The following ACOX1 variants were observed in gnomAD, a reference collection of about 807,000 sequenced individuals.
The protein encoded by ACOX1 is peroxisomal acyl-coenzyme A oxidase 1.
In ACOX1, 41 loss-of-function variants were observed where a neutral mutation model predicts 75.5. That is an observed-to-expected ratio of 0.54 (90% CI 0.42 to 0.70). The LOEUF is 0.70. ACOX1 is among the 30% of genes least tolerant of loss of function. The pLI, the probability that ACOX1 is intolerant of heterozygous loss-of-function variation, is 0.00. For synonymous variants in ACOX1, 303 were observed against 298.8 expected, an observed-to-expected ratio of 1.01 and a Z score of -0.15; for missense variants, 630 against 837.5, an observed-to-expected ratio of 0.75 and a Z score of 3.06.
chr17:75,957,511 C>T lies in ACOX1; in HGVS notation c.486G>A (p.Glu162=). The T allele has an allele frequency of 6.2e-7, 1 of 1,614,188 alleles. No individual in the cohort carries two copies. The highest frequency in any genetic ancestry group is 8.5e-7 in the Non-Finnish European group (1 of 1,180,016). Residue 162 remains glutamate, a synonymous_variant, in exon 4 of 14, where the codon GAG becomes GAA. Coordinates refer to ENST00000293217, the MANE Select transcript of ACOX1 (RefSeq NM_004035.7). ...TTATYDPETQ[E]FILNSPTVTS... is the part of the protein sequence containing the mutation. ...TCACAGTAGGACTGTTGAGAATGAA[C>T]TCCTGGGTTTCAGGGTCATACGTGG...
rs191305762 is a variant in ACOX1, at chr17:75,958,054, G to A, written c.431-488C>T. On this transcript the variant is annotated intron_variant, in intron 3 of 13. Coordinates refer to ENST00000293217, the MANE Select transcript of ACOX1 (RefSeq NM_004035.7). The stretch of plus-strand genomic sequence containing the variant: ...GAGGAAGACATTTCAGCCAAAATTC[G>A]TATAAATTAAAAATGTATGGCTGTG... Among the ~76,000 whole-genome samples the A allele has an allele frequency of 1.5e-3, 227 of 152,190 alleles. 1 individual carries two copies. Among genetic ancestry groups the A allele is most frequent in the African/African-American group, 5.2e-3 (218 of 41,544 alleles).
In ACOX1 at chr17:75,950,007, T is replaced by A; in HGVS notation, c.1299-110A>T. 1 of 1,182,648 alleles carries A rather than the reference T, an allele frequency of 8.5e-7. No homozygotes were observed. The highest frequency in any genetic ancestry group is 1.2e-6 in the Non-Finnish European group (1 of 819,318). 73.3% of individuals were successfully genotyped at this position (1,182,648 alleles called of 1,614,324 possible). ...CTGGATGGAGTGCAATGGCCAGATCTCAGCTCACTGCAACCTCCTCCTCTT... is the reference window on the plus strand; with the variant it reads ...CTGGATGGAGTGCAATGGCCAGATCACAGCTCACTGCAACCTCCTCCTCTT... On this transcript the variant is annotated intron_variant, in intron 9 of 13. Coordinates refer to ENST00000293217, the MANE Select transcript of ACOX1 (RefSeq NM_004035.7). This position sits in a 1 kb window ranked among gnomAD's most constrained non-coding sequence, Gnocchi z 4.3.
chr17:75,972,939 G>A lies in ACOX1; in HGVS notation c.269+5595C>T, dbSNP rs9899354. Among the ~76,000 whole-genome samples, 117 of 152,230 alleles carry A rather than the reference G, an allele frequency of 7.7e-4. 1 individual carries two copies. The highest frequency in any genetic ancestry group is 3.4e-3 in the Middle Eastern group (1 of 294). ...TCCTGCCATTTTGATAATTAGACAT[G>A]AGGCTGGGCAGTTCAAATTCCAAAC... is the stretch of plus-strand genomic sequence containing the variant. On this transcript the variant is annotated intron_variant, in intron 2 of 13. Coordinates refer to ENST00000293217, the MANE Select transcript of ACOX1 (RefSeq NM_004035.7).
At chr17:75,972,515 G>C (rs1479425637) in intron 2 of ACOX1, among the ~76,000 whole-genome samples, 2 of 151,714 alleles carry the variant, frequency 1.3e-5, no homozygotes, top group Admixed American at 1.3e-4. Context: ...GCGTGGTGGT[G>C]AGCACCTGTA....
At chr17:75,970,817 T>C (rs375425602) in intron 2 of ACOX1, among the ~76,000 whole-genome samples, 130 of 152,346 alleles carry the variant, frequency 8.5e-4, no homozygotes, top group Admixed American at 3.8e-3. Context: ...GTATTCCATA[T>C]AAGATAAAAC....
chr17:75,968,278 T>C (rs1362752036), intron 2 of ACOX1, among the ~76,000 whole-genome samples: 1 of 146,090 alleles, frequency 6.8e-6, no homozygotes, highest in Non-Finnish European at 1.5e-5. Flanking sequence ...CTACTAAAAA[T>C]ACAAAAAATT....
In ACOX1 at chr17:75,945,037, C is replaced by G. The variant is rs574439219; in HGVS notation, c.*1711G>C. ...CTTGGATTACAGGCGTGAGCCACCA[C>G]GCCTGGCCCCAGATTTAGATTTTAA... On this transcript the variant is annotated 3_prime_UTR_variant, in exon 14 of 14. Coordinates refer to ENST00000293217, the MANE Select transcript of ACOX1 (RefSeq NM_004035.7). The G allele has an allele frequency of 1.3e-5, 2 of 152,152 alleles. No individual in the cohort carries two copies. The highest frequency in any genetic ancestry group is 4.8e-5 in the African/African-American group (2 of 41,430). 9.4% of individuals were successfully genotyped at this position (152,152 alleles called of 1,614,324 possible). A position where few individuals can be genotyped will look rare whatever the true frequency, so the allele number is the denominator to read the frequency against.
chr17:75,964,241 G>A (rs1380689714), intron 2 of ACOX1, among the ~76,000 whole-genome samples: 1 of 151,198 alleles, frequency 6.6e-6, no homozygotes, highest in Non-Finnish European at 1.5e-5. Flanking sequence ...CATGGGATGA[G>A]AGTGCCTTTC....
chr17:75,964,056 C>T (rs1456648054), intron 2 of ACOX1, among the ~76,000 whole-genome samples: 1 of 150,994 alleles, frequency 6.6e-6, no homozygotes, highest in Admixed American at 6.6e-5. Flanking sequence ...TGGTGGCAGG[C>T]GCTGGTTATC....
rs997501157 is a variant in ACOX1 at position 75,945,908 on chromosome 17, T to A, written c.*840A>T. 2.0e-5 allele frequency: 3 copies of A among 152,212 alleles called. No homozygotes were observed. The highest frequency in any genetic ancestry group is 4.4e-5 in the Non-Finnish European group (3 of 68,030). The allele number at this position is 152,212 out of a possible 1,614,324, so 9.4% of individuals were successfully genotyped here. ...TGCTGACCTAAGTGACATTTTTTTT[T>A]AATGCCAAATACAGTAATCTCCAAG... On this transcript the variant is annotated 3_prime_UTR_variant, in exon 14 of 14. Coordinates refer to ENST00000293217, the MANE Select transcript of ACOX1 (RefSeq NM_004035.7).
At chr17:75,968,384 C>T (rs370385529) in intron 2 of ACOX1, among the ~76,000 whole-genome samples, 2 of 128,330 alleles carry the variant, frequency 1.6e-5, no homozygotes, top group Non-Finnish European at 1.6e-5. Context: ...TGCAGTGAGC[C>T]GAGATCCCGC....
At chr17:75,975,919 GAAAA>G (rs1335058625) in intron 2 of ACOX1, among the ~76,000 whole-genome samples, 2 of 149,164 alleles carry the variant, frequency 1.3e-5, no homozygotes, top group African/African-American at 4.9e-5. Flanking sequence ...GAAAGAGAAA[GAAAA>G]AGAAAGGAAA....
chr17:75,975,176 T>C (rs2066036393), intron 2 of ACOX1, among the ~76,000 whole-genome samples: 1 of 152,134 alleles, frequency 6.6e-6, no homozygotes. Flanking sequence ...TTTTTCTTTT[T>C]TGGAGACAGT....
In ACOX1 at chr17:75,949,352, G is replaced by A. The variant is rs200759039; in HGVS notation, c.1593C>T (p.Cys531=). ...AAAAGAGCTTAACTACCACATAGTG[G>A]CAATGTGCCTAAGATTAAAAAGAAA... ...VDLVRASEAH[C]HYVVVKLFSE... is the part of the protein sequence containing the mutation. The change falls in exon 12 of 14, where the codon TGC becomes TGT. Residue 531 remains cysteine (C), a synonymous_variant. Transcript: ENST00000293217. 9 of 1,614,008 alleles carry A rather than the reference G, an allele frequency of 5.6e-6. No homozygotes were observed. The highest frequency in any genetic ancestry group is 7.6e-6 in the Non-Finnish European group (9 of 1,180,040).
intron 3 of ACOX1, among the ~76,000 whole-genome samples, chr17:75,958,787 G>C (rs1382930916): frequency 1.4e-5 from 2 of 140,268 alleles, no homozygotes; most frequent in East Asian, 2.0e-4. Context: ...CAGCCTGGGC[G>C]ACAGAGCACG....
intron 2 of ACOX1, among the ~76,000 whole-genome samples, chr17:75,974,221 T>C (rs2066023355): frequency 6.6e-6 from 1 of 152,182 alleles, no homozygotes; most frequent in South Asian, 2.1e-4. Context: ...AACACTTATT[T>C]ATAGCGCTGT....
chr17:75,957,536 G>C lies in ACOX1; in HGVS notation c.461C>G (p.Ala154Gly). The C allele has an allele frequency of 6.2e-7, 1 of 1,614,094 alleles. No individual in the cohort carries two copies. Among genetic ancestry groups the C allele is most frequent in the Non-Finnish European group, 8.5e-7 (1 of 1,179,990 alleles). ...CTCCTGGGTTTCAGGGTCATACGTG[G>C]CTGTGGTTTCCAAGCCTCGAAGGTG... ...GTHLRGLETT[A>G]TYDPETQEFI... is the part of the protein sequence containing the mutation. Residue 154 changes from alanine (A) to glycine (G), a missense_variant, in exon 4 of 14, where the codon GCC (alanine) becomes GGC (glycine). By Grantham distance (60) the Ala-to-Gly change is moderately conservative. This residue lies in a region of ACOX1 where 390 missense variants were observed against 574.9 expected (regional missense o/e 0.68). Coordinates refer to ENST00000293217, the MANE Select transcript of ACOX1 (RefSeq NM_004035.7).
At chr17:75,955,463 GTTA>G (rs1458424914) in intron 6 of ACOX1, 100 bp downstream of exon 6, 3 of 985,326 alleles carry the variant, frequency 3.0e-6, no homozygotes, top group Non-Finnish European at 3.2e-6. Context: ...GTGCCCTGCT[GTTA>G]TTACCTTCTA....
intron 2 of ACOX1, among the ~76,000 whole-genome samples, chr17:75,965,464 A>C (rs2065923468): frequency 6.6e-6 from 1 of 152,076 alleles, no homozygotes; most frequent in South Asian, 2.1e-4. Context: ...CTAACTTAAA[A>C]TTCCAGATAG....
Sources: allele counts gnomAD v4.1 joint callset (sites outside exome capture counted in the v4.1 genomes callset), GRCh38; gene constraint gnomAD v4.1.1; regional missense constraint gnomAD v4.1.1; non-coding constraint Gnocchi (gnomAD v3.1); transcripts MANE v1.5; gene names NCBI Gene and HGNC (gene_info 2026-07-23, HGNC 2026-07-21).